DNAI3: variants seen among roughly 807,000 people sequenced by gnomAD.
DNAI3 encodes dynein axonemal intermediate chain 3.
A neutral mutation model predicts 115.5 loss-of-function variants in DNAI3; 83 were observed. That is an observed-to-expected ratio of 0.72 (90% confidence interval 0.60 to 0.86). DNAI3 has a LOEUF of 0.86. DNAI3 is among the 40% of genes least tolerant of loss of function. The probability of loss-of-function intolerance (pLI) is 0.00; values close to 1 mark genes in which losing one functional copy is unlikely to be tolerated. For synonymous variants in DNAI3, 320 were observed against 347.0 expected (o/e 0.92, Z 0.86); for missense variants, 1,004 against 1,075.8 (o/e 0.93, Z 0.93).
In DNAI3 at chr1:85,130,206, T is replaced by C. The variant is rs1039928619; in HGVS notation, c.2532+94T>C. ...ATCCACAGTTTCCATAGAAAAGTTATACTTTTTCACATTCTTCTCTTGTTC... is the reference window on the plus strand; with the variant it reads ...ATCCACAGTTTCCATAGAAAAGTTACACTTTTTCACATTCTTCTCTTGTTC... On this transcript the variant is annotated intron_variant, in intron 22 of 22. Transcript: ENST00000294664. 3.9e-6 allele frequency: 6 copies of C among 1,537,494 alleles called. No individual in the cohort carries two copies. In the African/African-American group the frequency reaches 6.9e-5, roughly 18 times the overall value.
intron 22 of DNAI3, among the ~76,000 whole-genome samples, chr1:85,131,850 T>C (rs539420028): frequency 6.6e-6 from 1 of 152,350 alleles, no homozygotes; most frequent in South Asian, 2.1e-4. Context: ...ATAATTTGCA[T>C]GTGAAATACT....
intron 10 of DNAI3, among the ~76,000 whole-genome samples, chr1:85,095,442 T>G (rs527373105): frequency 6.6e-6 from 1 of 152,282 alleles, no homozygotes; most frequent in Non-Finnish European, 1.5e-5. Context: ...TCTCTAGCCC[T>G]TTCTTGTCAG....
chr1:85,101,621 C>G (rs959260646), intron 13 of DNAI3, among the ~76,000 whole-genome samples: 14 of 147,382 alleles, frequency 9.5e-5, no homozygotes, highest in African/African-American at 3.3e-4. Flanking sequence ...CCAGCTACTC[C>G]AGAGGCTGAG....
At chr1:85,130,255 C>T in intron 22 of DNAI3, 143 bp downstream of exon 22, 1 of 1,192,210 alleles carries the variant, frequency 8.4e-7, no homozygotes, top group East Asian at 2.4e-5. Flanking sequence ...GAGGGCATTC[C>T]TTTGATTTCC....
rs750181948 is a variant in DNAI3, at chr1:85,082,415, C to T, written c.390+11C>T. ...GAAAACTATTTAAATGTGAGCAAAC[C>T]CCAAGCCCTTGTAATTTGTTTGTTT... On this transcript the variant is annotated intron_variant, in intron 5 of 22. Transcript: ENST00000294664. 4 of 1,592,104 alleles carry T rather than the reference C, an allele frequency of 2.5e-6. No homozygotes were observed. Among genetic ancestry groups the T allele is most frequent in the East Asian group, 2.2e-5 (1 of 44,758 alleles).
chr1:85,120,580 C>T (rs1655968229), intron 17 of DNAI3, among the ~76,000 whole-genome samples: 1 of 152,064 alleles, frequency 6.6e-6, no homozygotes, highest in South Asian at 2.1e-4. Context: ...GCTATGAGAC[C>T]CAGGAGATAT....
chr1:85,116,779 G>A (rs1039670892), intron 16 of DNAI3, among the ~76,000 whole-genome samples: 5 of 152,016 alleles, frequency 3.3e-5, no homozygotes, highest in African/African-American at 9.7e-5. Context: ...GATCTAGTTC[G>A]ATGTTTGGTT....
At chr1:85,115,661 G>A (rs1474953071) in intron 16 of DNAI3, among the ~76,000 whole-genome samples, 4 of 151,846 alleles carry the variant, frequency 2.6e-5, no homozygotes, top group Admixed American at 6.6e-5. Flanking sequence ...TTTGCACCAG[G>A]GACCAGTTTT....
intron 12 of DNAI3, 50 bp downstream of exon 12, chr1:85,097,705 T>TCG: frequency 6.7e-7 from 1 of 1,499,334 alleles, no homozygotes; most frequent in East Asian, 2.4e-5. Context: ...TTGAAGAGTT[T>TCG]ATGGAAAAGT....
At chr1:85,070,331 G>A (rs1471899184) in intron 1 of DNAI3, among the ~76,000 whole-genome samples, 2 of 152,090 alleles carry the variant, frequency 1.3e-5, no homozygotes, top group African/African-American at 4.8e-5. Context: ...AGTTTCATTT[G>A]CAATGAAACA....
chr1:85,097,727 T>C, intron 12 of DNAI3, 72 bp downstream of exon 12: 1 of 1,317,022 alleles, frequency 7.6e-7, no homozygotes, highest in Non-Finnish European at 1.0e-6. Context: ...CATAATATAG[T>C]TGCCAAGGCT....
chr1:85,109,897 A>G, intron 15 of DNAI3, 151 bp from the exon 16 acceptor site: 1 of 673,074 alleles, frequency 1.5e-6, no homozygotes, highest in Non-Finnish European at 2.5e-6. Context: ...GGAGGAAAGA[A>G]ACTAGAAATT....
intron 5 of DNAI3, among the ~76,000 whole-genome samples, chr1:85,082,688 A>G (rs1275264301): frequency 6.6e-6 from 1 of 152,200 alleles, no homozygotes; most frequent in Non-Finnish European, 1.5e-5. Context: ...AGAAGGAAGC[A>G]GAAGCGGTAC....
intron 7 of DNAI3, among the ~76,000 whole-genome samples, chr1:85,088,110 G>A: frequency 6.8e-6 from 1 of 147,684 alleles, no homozygotes; most frequent in Non-Finnish European, 1.5e-5. Flanking sequence ...GAAGGAGAGA[G>A]GTGATATATT....
chr1:85,124,195 G>T lies in DNAI3; in HGVS notation c.2056G>T (p.Asp686Tyr), dbSNP rs761860072. 6.2e-7 allele frequency: 1 copy of T among 1,614,058 alleles called. No homozygotes were observed. The highest frequency in any genetic ancestry group is 1.3e-5 in the African/African-American group (1 of 74,918). The change falls in exon 19 of 23, where the codon GAC (aspartate) becomes TAC (tyrosine). Residue 686 changes from aspartate to tyrosine, a missense_variant. Asp to Tyr is a radical substitution (Grantham distance 160). This residue lies in a region of DNAI3 where 429 missense variants were observed against 454.3 expected (regional missense o/e 0.94). Transcript: ENST00000294664. ...HTIQRSPFYN[D>Y]IILTVGGWNV... ...TATTCAGAGATCACCTTTCTACAACGACATTATTCTCACGGTTGGAGGTTG... is the reference window on the plus strand; with the variant it reads ...TATTCAGAGATCACCTTTCTACAACTACATTATTCTCACGGTTGGAGGTTG...
intron 16 of DNAI3, among the ~76,000 whole-genome samples, chr1:85,112,447 A>T (rs1177802882): frequency 6.6e-6 from 1 of 152,186 alleles, no homozygotes; most frequent in African/African-American, 2.4e-5. Context: ...TTTCCTGGGT[A>T]CATCCCTAGG....
At chr1:85,087,920 C>A (rs11161525) in intron 7 of DNAI3, among the ~76,000 whole-genome samples, 76,515 of 151,620 alleles carry the variant, frequency 0.5, 19,550 homozygotes, top group Middle Eastern at 0.55. Flanking sequence ...AAAGTCAGGG[C>A]ATATATATAT....
intron 15 of DNAI3, 112 bp downstream of exon 15, chr1:85,108,289 C>A: frequency 8.6e-7 from 1 of 1,162,130 alleles, no homozygotes; most frequent in Non-Finnish European, 1.2e-6. Context: ...CTCAGATTAA[C>A]ACAAGACTGT....
At position 85,090,234 on chromosome 1, in the gene DNAI3, TA is replaced by T; in HGVS notation, c.857+8del. ...TTTTCTTAACAATGCATCCATAAGG[TA>T]AAAAATTGCATATTAAATTTTAAAA... On this transcript the variant is annotated splice_donor_region_variant and intron_variant, in intron 8 of 22. Coordinates refer to ENST00000294664, the MANE Select transcript of DNAI3 (RefSeq NM_145172.5). The T allele has an allele frequency of 6.7e-7, 1 of 1,503,616 alleles. No individual in the cohort carries two copies. Among genetic ancestry groups the T allele is most frequent in the East Asian group, 2.3e-5 (1 of 43,230 alleles). The allele number at this position is 1,503,616 out of a possible 1,614,324, so 93.1% of individuals were successfully genotyped here.
Sources: gnomAD v4.1 joint callset for allele counts (sites outside exome capture counted in the v4.1 genomes callset) on GRCh38, gnomAD v4.1.1 for gene constraint, gnomAD v4.1.1 regional missense constraint, MANE v1.5 for transcripts, NCBI Gene and HGNC (gene_info 2026-07-23, HGNC 2026-07-21) for gene names.